The following ZFHX3 variants were observed in gnomAD, a reference collection of about 807,000 sequenced individuals.
ZFHX3 encodes the protein zinc finger homeobox protein 3.
Under a neutral mutation model 279.1 loss-of-function variants are expected in ZFHX3, and 42 were observed. The observed-to-expected ratio is 0.15, with a 90% CI of 0.12 to 0.19. The LOEUF (loss-of-function observed/expected upper bound fraction) is 0.19. Ranked by LOEUF, ZFHX3 falls within the 10% of genes least tolerant of loss-of-function variation. The pLI is 1.00. For synonymous variants in ZFHX3, 2,293 were observed against 1,957.8 expected (o/e 1.17, Z -4.52); for missense variants, 4,981 against 4,754.0 (o/e 1.05, Z -1.40).
chr16:73,301,249 A>G (rs2015049758), intron 4 of ZFHX3, among the ~76,000 whole-genome samples: 1 of 152,090 alleles, frequency 6.6e-6, no homozygotes, highest in South Asian at 2.1e-4. Context: ...TTATTCTCTT[A>G]TTTTTAAAGA....
intron 5 of ZFHX3, among the ~76,000 whole-genome samples, chr16:73,170,949 C>CA (rs1170905213): frequency 2.0e-5 from 3 of 152,128 alleles, no homozygotes; most frequent in Non-Finnish European, 1.5e-5. Flanking sequence ...CCAGAGCCGA[C>CA]AATGTCTGGG....
chr16:73,889,008 A>T (rs1346122293), intron 1 of ZFHX3, among the ~76,000 whole-genome samples: 1 of 151,690 alleles, frequency 6.6e-6, no homozygotes, highest in African/African-American at 2.4e-5. Flanking sequence ...AGGCTCCACC[A>T]TCTAATAGAA....
At chr16:73,768,452 T>A (rs193156558) in intron 1 of ZFHX3, among the ~76,000 whole-genome samples, 101 of 152,330 alleles carry the variant, frequency 6.6e-4, no homozygotes, top group Non-Finnish European at 8.4e-4. Flanking sequence ...CCTATGATAG[T>A]TCTACAATGT....
intron 5 of ZFHX3, among the ~76,000 whole-genome samples, chr16:73,177,446 ACAT>A (rs1967690263): frequency 1.3e-5 from 2 of 152,244 alleles, no homozygotes; most frequent in South Asian, 4.1e-4. Context: ...ATGGCACCTT[ACAT>A]TTAGAGATTA....
chr16:73,048,176 C>CGGGCG (rs1363252262), upstream of ZFHX3: 3 of 152,882 alleles, frequency 2.0e-5, no homozygotes, highest in Non-Finnish European at 4.4e-5. Context: ...GGAAGGGGGG[C>CGGGCG]GGGCGGGGCG....
At chr16:72,943,432 G>A (rs561896949) in intron 3 of ZFHX3, among the ~76,000 whole-genome samples, 1 of 152,176 alleles carries the variant, frequency 6.6e-6, no homozygotes, top group South Asian at 2.1e-4. Context: ...ACTCAGGAGG[G>A]TGAGGCATGA....
chr16:73,346,338 G>A (rs564142812), intron 3 of ZFHX3, among the ~76,000 whole-genome samples: 105 of 152,230 alleles, frequency 6.9e-4, no homozygotes, highest in Middle Eastern at 3.4e-3. Context: ...CTGTCCTCTC[G>A]CCACCATGGA....
chr16:73,739,324 TTGC>T (rs2142257970), intron 1 of ZFHX3, among the ~76,000 whole-genome samples: 1 of 152,334 alleles, frequency 6.6e-6, no homozygotes, highest in East Asian at 1.9e-4. Flanking sequence ...GGTTTCTCAA[TTGC>T]TGCATGATTG....
chr16:73,382,143 C>G (rs978613690), intron 3 of ZFHX3, among the ~76,000 whole-genome samples: 4 of 152,116 alleles, frequency 2.6e-5, no homozygotes, highest in Admixed American at 1.3e-4. Context: ...CCAGATGGAG[C>G]AAGGACTTAA....
chr16:73,626,724 G>T (rs1028187815), intron 2 of ZFHX3, among the ~76,000 whole-genome samples: 1 of 152,152 alleles, frequency 6.6e-6, no homozygotes, highest in African/African-American at 2.4e-5. Flanking sequence ...CTTCCTTGAA[G>T]ACTCATTATC....
intron 2 of ZFHX3, among the ~76,000 whole-genome samples, chr16:73,633,873 G>A (rs1289266586): frequency 2.6e-5 from 4 of 151,794 alleles, no homozygotes; most frequent in African/African-American, 9.7e-5. Context: ...ACTCCAGCCC[G>A]GGCGACAGAG....
intron 4 of ZFHX3, among the ~76,000 whole-genome samples, chr16:72,851,128 T>G (rs1228078534): frequency 6.6e-6 from 1 of 152,116 alleles, no homozygotes; most frequent in Non-Finnish European, 1.5e-5. Flanking sequence ...ATCACTTCCA[T>G]GTTCACAGTA....
chr16:73,573,847 G>A (rs2051768151), intron 2 of ZFHX3, among the ~76,000 whole-genome samples: 1 of 152,114 alleles, frequency 6.6e-6, no homozygotes, highest in African/African-American at 2.4e-5. Flanking sequence ...ATGTGTGTGT[G>A]CATATTTACA....
intron 3 of ZFHX3, among the ~76,000 whole-genome samples, chr16:73,409,624 C>A (rs1017242699): frequency 1.3e-5 from 2 of 152,052 alleles, no homozygotes; most frequent in Non-Finnish European, 2.9e-5. Flanking sequence ...GGGTATAATC[C>A]CCAAGAAGGG....
intron 3 of ZFHX3, among the ~76,000 whole-genome samples, chr16:73,326,618 G>A (rs1452330358): frequency 1.3e-5 from 2 of 151,956 alleles, no homozygotes; most frequent in Non-Finnish European, 2.9e-5. Flanking sequence ...GGGGAGGGAA[G>A]TATAGGGTGT....
At chr16:72,911,148 G>A (rs533414190) in intron 3 of ZFHX3, among the ~76,000 whole-genome samples, 1 of 152,360 alleles carries the variant, frequency 6.6e-6, no homozygotes, top group South Asian at 2.1e-4. Context: ...GAGAAGCTCA[G>A]CTTCACCAGA....
At chr16:72,984,761 A>G (rs1399187816) in intron 1 of ZFHX3, among the ~76,000 whole-genome samples, 1 of 152,176 alleles carries the variant, frequency 6.6e-6, no homozygotes, top group East Asian at 1.9e-4. Context: ...ATGGTCTTCA[A>G]TAAGGCTGGG....
At chr16:73,182,155 T>C (rs978280979) in intron 5 of ZFHX3, among the ~76,000 whole-genome samples, 1 of 152,110 alleles carries the variant, frequency 6.6e-6, no homozygotes, top group Non-Finnish European at 1.5e-5. Context: ...CAGAAGCTCA[T>C]CCTCTAAAAC....
rs1403625128 is a variant in ZFHX3, at chr16:72,980,616, A to C, written c.-49-20422T>G. Among the ~76,000 whole-genome samples the C allele has an allele frequency of 2.0e-5, 3 of 147,244 alleles. No individual in the cohort carries two copies. The East Asian group carries it at 6.0e-4, about 29-fold the overall frequency. ...ACTACCAAAAGTTAAAAAAAAAAAA[A>C]CAAAAACAGCTGGGTGCAGTGGTGT... On this transcript the variant is annotated intron_variant, in intron 1 of 9. Coordinates refer to ENST00000268489, the MANE Select transcript of ZFHX3 (RefSeq NM_006885.4).
Sources: gnomAD v4.1 joint callset for allele counts (sites outside exome capture counted in the v4.1 genomes callset) on GRCh38, gnomAD v4.1.1 for gene constraint, MANE v1.5 for transcripts, NCBI Gene and HGNC (gene_info 2026-07-23, HGNC 2026-07-21) for gene names.